XXYLT1: variants seen among roughly 807,000 people sequenced by gnomAD.
The protein encoded by XXYLT1 is UDP-xylose:alpha-xyloside alpha-1,3-xylosyltransferase.
A neutral mutation model predicts 28.9 loss-of-function variants in XXYLT1; 20 were observed. That is an observed-to-expected ratio of 0.69 (90% confidence interval 0.49 to 1.00). XXYLT1 has a LOEUF of 1.00. Ranked by LOEUF, XXYLT1 falls within the 50% of genes least tolerant of loss-of-function variation. XXYLT1 has a pLI of 0.00. For missense variants in XXYLT1, 542 were observed against 560.1 expected (o/e 0.97, Z 0.33); for synonymous variants, 257 against 253.8 (o/e 1.01, Z -0.12).
At chr3:195,218,634 C>T (rs370636069) in intron 2 of XXYLT1, among the ~76,000 whole-genome samples, 10 of 151,612 alleles carry the variant, frequency 6.6e-5, no homozygotes, top group East Asian at 1.9e-4. Context: ...CACACCGGTT[C>T]GAATGGCAAT....
chr3:195,150,196 C>A lies in XXYLT1; in HGVS notation c.785+6253G>T, dbSNP rs1468760246. On this transcript the variant is annotated intron_variant, in intron 3 of 3. Coordinates refer to ENST00000310380, the MANE Select transcript of XXYLT1 (RefSeq NM_152531.5). This position sits in a 1 kb window ranked among gnomAD's most constrained non-coding sequence, Gnocchi z 4.7. ...GTGCTAGGCACCATAAATACATTAT[C>A]TGATTCAATCTCCCTCAACTCTGCC... Among the ~76,000 whole-genome samples, 2 of 152,184 alleles carry A rather than the reference C, an allele frequency of 1.3e-5. No homozygotes were observed.
chr3:195,195,691 A>G lies in XXYLT1; in HGVS notation c.652+31018T>C, dbSNP rs1388834324. On this transcript the variant is annotated intron_variant, in intron 2 of 3. Transcript: ENST00000310380. The surrounding 1 kb of genome is among the most constrained non-coding windows in gnomAD (Gnocchi z 4.4). The stretch of plus-strand genomic sequence containing the variant: ...CCCAGCCCGGGAACTCCATTCATAC[A>G]GCTCTCAGGAACAGCTCGGAGGGCC... Among the ~76,000 whole-genome samples the G allele has an allele frequency of 1.3e-5, 2 of 152,140 alleles. No homozygotes were observed. The highest frequency in any genetic ancestry group is 2.9e-5 in the Non-Finnish European group (2 of 68,026).
chr3:195,143,852 A>ATCTATATATC (rs1719667771), intron 3 of XXYLT1, among the ~76,000 whole-genome samples: 1 of 97,422 alleles, frequency 1.0e-5, no homozygotes, highest in African/African-American at 4.2e-5. Context: ...AGATATATAT[A>ATCTATATATC]TAGATATATA....
In XXYLT1 at chr3:195,213,690, T is replaced by C. The variant is rs112862108; in HGVS notation, c.652+13019A>G. Among the ~76,000 whole-genome samples, 493 of 152,362 alleles carry C rather than the reference T, an allele frequency of 3.2e-3. 4 individuals are homozygous for C. Among genetic ancestry groups the C allele is most frequent in the African/African-American group, 0.01 (418 of 41,586 alleles). ...TGTTGGTTACACAAAGCTAAATGTT[T>C]TTTACTGCAGTACCTATCAGAGCTT... On this transcript the variant is annotated intron_variant, in intron 2 of 3. Transcript: ENST00000310380.
At chr3:195,128,614 C>T (rs1328328570) in intron 3 of XXYLT1, among the ~76,000 whole-genome samples, 1 of 152,198 alleles carries the variant, frequency 6.6e-6, no homozygotes, top group Non-Finnish European at 1.5e-5. Context: ...TGAGCCACTG[C>T]TCCTGTAGCT....
intron 2 of XXYLT1, among the ~76,000 whole-genome samples, chr3:195,172,734 G>A (rs184328137): frequency 1.0e-3 from 157 of 152,288 alleles, no homozygotes; most frequent in Non-Finnish European, 1.8e-3. Context: ...GAGAGCTACT[G>A]GCATCGGATA....
chr3:195,250,585 G>A (rs938530077), intron 1 of XXYLT1, among the ~76,000 whole-genome samples: 2 of 150,526 alleles, frequency 1.3e-5, no homozygotes, highest in African/African-American at 2.4e-5. Context: ...AAAAAACACT[G>A]CAACCACCCC....
chr3:195,149,331 C>T (rs1311423492), intron 3 of XXYLT1, among the ~76,000 whole-genome samples: 3 of 152,146 alleles, frequency 2.0e-5, no homozygotes, highest in Non-Finnish European at 4.4e-5. Flanking sequence ...CAATTGTTTT[C>T]ATCCGATGGG....
At chr3:195,081,170 C>CT (rs1339131559) in intron 3 of XXYLT1, among the ~76,000 whole-genome samples, 2 of 152,006 alleles carry the variant, frequency 1.3e-5, no homozygotes, top group African/African-American at 2.4e-5. Flanking sequence ...CACTGCATTT[C>CT]TGACAAGCCC....
At chr3:195,233,087 T>C (rs980108426) in intron 1 of XXYLT1, among the ~76,000 whole-genome samples, 5 of 152,214 alleles carry the variant, frequency 3.3e-5, no homozygotes, top group Admixed American at 3.3e-4. Flanking sequence ...ATAACTGTTA[T>C]ATCCTTATGC....
At chr3:195,236,977 A>C (rs900985907) in intron 1 of XXYLT1, among the ~76,000 whole-genome samples, 4 of 152,206 alleles carry the variant, frequency 2.6e-5, no homozygotes, top group African/African-American at 9.6e-5. Flanking sequence ...GTTGCATGAC[A>C]AAGTCCTCTT....
At chr3:195,261,160 CG>C (rs1243052806) in intron 1 of XXYLT1, among the ~76,000 whole-genome samples, 1 of 152,256 alleles carries the variant, frequency 6.6e-6, no homozygotes, top group Non-Finnish European at 1.5e-5. Flanking sequence ...AGGCCGGGCG[CG>C]GTGGCTCACG....
chr3:195,196,335 G>A (rs767161546), intron 2 of XXYLT1, among the ~76,000 whole-genome samples: 7 of 152,204 alleles, frequency 4.6e-5, no homozygotes, highest in Non-Finnish European at 8.8e-5. Flanking sequence ...AGGAAGCAGG[G>A]CAAGATGCTC....
intron 3 of XXYLT1, among the ~76,000 whole-genome samples, chr3:195,125,647 C>T (rs1036937851): frequency 2.0e-5 from 3 of 152,246 alleles, no homozygotes; most frequent in Admixed American, 6.5e-5. Context: ...CCTGGCCCCA[C>T]GCTTCCAAAT....
At chr3:195,206,361 T>G (rs1027693020) in intron 2 of XXYLT1, among the ~76,000 whole-genome samples, 2 of 151,034 alleles carry the variant, frequency 1.3e-5, no homozygotes, top group African/African-American at 4.9e-5. Flanking sequence ...GTCAACCAAA[T>G]GAAACATGTA....
In XXYLT1 at chr3:195,195,471, C is replaced by G. The variant is rs1221958731; in HGVS notation, c.652+31238G>C. On this transcript the variant is annotated intron_variant, in intron 2 of 3. Transcript: ENST00000310380. The surrounding 1 kb of genome is among the most constrained non-coding windows in gnomAD (Gnocchi z 4.4). ...GTCAGAAGTCCCACTGAGAAGTGGC[C>G]GCAGTTCTTCCACTGGACAGAGCCT... Among the ~76,000 whole-genome samples the G allele has an allele frequency of 6.6e-6, 1 of 152,094 alleles. No homozygotes were observed. The highest frequency in any genetic ancestry group is 2.4e-5 in the African/African-American group (1 of 41,410).
At chr3:195,181,704 G>C (rs553316342) in intron 2 of XXYLT1, among the ~76,000 whole-genome samples, 15 of 152,296 alleles carry the variant, frequency 9.8e-5, no homozygotes, top group African/African-American at 3.6e-4. Context: ...AAGTGGTTAA[G>C]TGCCCACAGG....
In XXYLT1 at chr3:195,119,477, G is replaced by A. The variant is rs747953087; in HGVS notation, c.785+36972C>T. Among the ~76,000 whole-genome samples, 10 of 152,202 alleles carry A rather than the reference G, an allele frequency of 6.6e-5. No individual in the cohort carries two copies. In the South Asian group the frequency reaches 2.1e-3, roughly 32 times the overall value. On this transcript the variant is annotated intron_variant, in intron 3 of 3. Transcript: ENST00000310380. ...GGTAGCTGCTATGAAATGAGTGACTGGGTGATAACATGAGCCACTTTTCCC... is the reference window on the plus strand; with the variant it reads ...GGTAGCTGCTATGAAATGAGTGACTAGGTGATAACATGAGCCACTTTTCCC...
At chr3:195,191,009 CTAA>C (rs1722397404) in intron 2 of XXYLT1, among the ~76,000 whole-genome samples, 1 of 151,988 alleles carries the variant, frequency 6.6e-6, no homozygotes, top group East Asian at 1.9e-4. Context: ...ATATAGAAAA[CTAA>C]TAACAAAATG....
Sources: gnomAD v4.1 joint callset for allele counts (sites outside exome capture counted in the v4.1 genomes callset) on GRCh38, gnomAD v4.1.1 for gene constraint, Gnocchi (gnomAD v3.1) non-coding constraint, MANE v1.5 for transcripts, NCBI Gene and HGNC (gene_info 2026-07-23, HGNC 2026-07-21) for gene names.